Variants in HTR2C observed in about 807,000 individuals in gnomAD.
The protein encoded by HTR2C is 5-hydroxytryptamine receptor 2C.
Under a neutral mutation model 21.0 loss-of-function variants are expected in HTR2C, and 5 were observed. The ratio of observed to expected loss-of-function variants is 0.24; its 90% CI spans 0.12 to 0.50. The LOEUF (loss-of-function observed/expected upper bound fraction) is 0.50. Among genes scored for constraint, HTR2C ranks in the 20% least tolerant of loss-of-function variants. The pLI, the probability that HTR2C is intolerant of heterozygous loss-of-function variation, is 0.98. For synonymous variants in HTR2C, 150 were observed against 145.3 expected, an observed-to-expected ratio of 1.03 and a Z score of -0.23; for missense variants, 271 against 371.2, an observed-to-expected ratio of 0.73 and a Z score of 2.22.
intron 5 of HTR2C, among the ~76,000 whole-genome samples, chrX:114,884,235 A>G (rs2071203751): frequency 1.8e-5 from 2 of 111,112 alleles, no homozygotes; most frequent in Non-Finnish European, 3.8e-5. Context: ...TGCAATGAAC[A>G]TGGGAGTGCA....
chrX:114,782,361 G>T (rs1382408387), intron 4 of HTR2C, among the ~76,000 whole-genome samples: 1 of 111,091 alleles, frequency 9.0e-6, no homozygotes, highest in African/African-American at 3.3e-5. Flanking sequence ...AAAGAATGAA[G>T]AGCCAAGTAA....
chrX:114,683,709 C>T (rs1163608223), intron 2 of HTR2C, among the ~76,000 whole-genome samples: 3 of 111,328 alleles, frequency 2.7e-5, no homozygotes, highest in Non-Finnish European at 3.8e-5. Flanking sequence ...GCACAAGAAT[C>T]GCTTGAACCC....
chrX:114,858,341 T>C (rs1337632059), intron 5 of HTR2C, among the ~76,000 whole-genome samples: 1 of 111,404 alleles, frequency 9.0e-6, no homozygotes, highest in Non-Finnish European at 1.9e-5. Context: ...TACGTATGCA[T>C]ATGTACATGT....
chrX:114,772,485 G>T (rs1556437225), intron 4 of HTR2C, among the ~76,000 whole-genome samples: 1 of 54,755 alleles, frequency 1.8e-5, no homozygotes, highest in African/African-American at 6.4e-5. Flanking sequence ...GGCGGGGCGT[G>T]GTGGGGGGGC....
chrX:114,806,290 T>G (rs1034110050), intron 4 of HTR2C, among the ~76,000 whole-genome samples: 5 of 98,811 alleles, frequency 5.1e-5, no homozygotes, highest in African/African-American at 1.8e-4. Flanking sequence ...ACACACCATA[T>G]AGATACACAC....
At chrX:114,655,953 T>G (rs1602667451) in intron 2 of HTR2C, among the ~76,000 whole-genome samples, 1 of 111,353 alleles carries the variant, frequency 9.0e-6, no homozygotes, top group Middle Eastern at 4.6e-3. Context: ...TCAGCCAACT[T>G]ACCTTCATTT....
chrX:114,741,522 T>C (rs1160768466), intron 4 of HTR2C, among the ~76,000 whole-genome samples: 7 of 6,206 alleles, frequency 1.1e-3, no homozygotes, highest in African/African-American at 2.5e-3. Context: ...GACGACTCCG[T>C]CTAAAAAAAA....
chrX:114,805,112 T>C (rs781982698), intron 4 of HTR2C, among the ~76,000 whole-genome samples: 1 of 111,904 alleles, frequency 8.9e-6, no homozygotes, highest in African/African-American at 3.2e-5. Context: ...CTGCCATAGG[T>C]ACAAATGGAT....
chrX:114,879,460 A>G (rs2071164021), intron 5 of HTR2C, among the ~76,000 whole-genome samples: 1 of 109,549 alleles, frequency 9.1e-6, no homozygotes, highest in Non-Finnish European at 1.9e-5. Context: ...CATTTTTTAA[A>G]TTTTTTATTT....
intron 4 of HTR2C, among the ~76,000 whole-genome samples, chrX:114,771,062 A>T (rs2069997974): frequency 9.0e-6 from 1 of 111,260 alleles, no homozygotes; most frequent in Non-Finnish European, 1.9e-5. Context: ...TTGGCCTCCC[A>T]AAGTGCTGGG....
At chrX:114,647,222 G>T (rs782452072) in intron 2 of HTR2C, among the ~76,000 whole-genome samples, 50 of 111,367 alleles carry the variant, frequency 4.5e-4, no homozygotes, top group Non-Finnish European at 7.5e-4. Context: ...ATAGCTAAAA[G>T]AATGGATTTT....
chrX:114,776,128 G>A, intron 4 of HTR2C: 1 of 505,522 alleles, frequency 2.0e-6, no homozygotes, highest in Non-Finnish European at 3.5e-6. Context: ...TGACCTCAAA[G>A]ATTCCATCCT....
chrX:114,599,997 G>T lies in HTR2C; in HGVS notation c.-146-13818G>T, dbSNP rs888948533. ...AGCAGAATCTCGGAGATAGGAGGAA[G>T]TCCAAGAAAGAAATCACGGACACTT... is the stretch of plus-strand genomic sequence containing the variant. On this transcript the variant is annotated intron_variant, in intron 1 of 5. Coordinates refer to ENST00000276198, the MANE Select transcript of HTR2C (RefSeq NM_000868.4). Among the ~76,000 whole-genome samples, 4 of 111,594 alleles carry T rather than the reference G, an allele frequency of 3.6e-5. No homozygotes were observed. The East Asian group carries it at 1.1e-3, about 31-fold the overall frequency.
intron 1 of HTR2C, among the ~76,000 whole-genome samples, chrX:114,604,530 G>A (rs890606155): frequency 8.6e-4 from 95 of 110,062 alleles, no homozygotes; most frequent in African/African-American, 3.1e-3. Context: ...TGATGGTCTA[G>A]GGGGCTTCCG....
intron 1 of HTR2C, among the ~76,000 whole-genome samples, chrX:114,586,849 C>T (rs147853190): frequency 0.012 from 1,317 of 110,742 alleles, 15 homozygotes; most frequent in African/African-American, 0.041. Context: ...CTATGAATGA[C>T]GGAGATATTA....
intron 4 of HTR2C, among the ~76,000 whole-genome samples, chrX:114,812,309 A>G (rs782109102): frequency 8.9e-6 from 1 of 111,736 alleles, no homozygotes; most frequent in East Asian, 2.8e-4. Context: ...GTTACCCCCA[A>G]CTTTTTCCCC....
intron 2 of HTR2C, among the ~76,000 whole-genome samples, chrX:114,703,869 A>G (rs1353521347): frequency 3.6e-5 from 4 of 110,457 alleles, no homozygotes. Flanking sequence ...AAAAATGATA[A>G]AGGGGATATC....
chrX:114,714,475 A>C (rs1289492070), intron 2 of HTR2C, among the ~76,000 whole-genome samples: 1 of 112,160 alleles, frequency 8.9e-6, no homozygotes, highest in African/African-American at 3.2e-5. Flanking sequence ...TTAAGGAAGT[A>C]GATAAAGGCA....
At chrX:114,858,545 C>T (rs782538785) in intron 5 of HTR2C, among the ~76,000 whole-genome samples, 1 of 111,108 alleles carries the variant, frequency 9.0e-6, no homozygotes, top group African/African-American at 3.3e-5. Flanking sequence ...TACTCTATAC[C>T]CAGCTATCTA....
Sources: allele counts gnomAD v4.1 joint callset (sites outside exome capture counted in the v4.1 genomes callset), GRCh38; gene constraint gnomAD v4.1.1; transcripts MANE v1.5; gene names NCBI Gene and HGNC (gene_info 2026-07-23, HGNC 2026-07-21).